ADGRL2: variants seen among roughly 807,000 people sequenced by gnomAD.
ADGRL2 encodes calcium-independent alpha-latrotoxin receptor 2.
A neutral mutation model predicts 157.4 loss-of-function variants in ADGRL2; 44 were observed. The observed-to-expected ratio is 0.28, with a 90% CI of 0.22 to 0.36. The LOEUF is 0.36. ADGRL2 is among the 10% of genes least tolerant of loss of function. The pLI is 1.00. For missense variants in ADGRL2, 1,510 were observed against 1,768.9 expected, an observed-to-expected ratio of 0.85 and a Z score of 2.63; for synonymous variants, 585 against 624.7, an observed-to-expected ratio of 0.94 and a Z score of 0.95.
chr1:81,491,156 C>T (rs1266976836), intron 2 of ADGRL2, among the ~76,000 whole-genome samples: 1 of 147,980 alleles, frequency 6.8e-6, no homozygotes, highest in South Asian at 2.1e-4. Context: ...CTACATGAAA[C>T]GTAGTGGACA....
At chr1:81,532,494 G>T (rs963950276) in intron 2 of ADGRL2, among the ~76,000 whole-genome samples, 1 of 151,478 alleles carries the variant, frequency 6.6e-6, no homozygotes, top group Non-Finnish European at 1.5e-5. Flanking sequence ...TATCTGAGCT[G>T]CAGAGATTAC....
intron 1 of ADGRL2, among the ~76,000 whole-genome samples, chr1:81,706,116 T>G (rs2083727116): frequency 6.6e-6 from 1 of 151,972 alleles, no homozygotes; most frequent in African/African-American, 2.4e-5. Context: ...GGAGAATCAC[T>G]TGAACCAGGG....
chr1:81,490,746 A>G (rs1053586288), intron 2 of ADGRL2, among the ~76,000 whole-genome samples: 8 of 152,202 alleles, frequency 5.3e-5, no homozygotes, highest in Non-Finnish European at 1.0e-4. Flanking sequence ...TCTTGGCAGT[A>G]TTTTCCAAAG....
In ADGRL2 at chr1:81,839,319, T is replaced by C. The variant is rs575975745; in HGVS notation, c.73+2262T>C. 1.2e-4 allele frequency among the ~76,000 whole-genome samples: 19 copies of C among 152,254 alleles called. No homozygotes were observed. The South Asian group carries it at 3.7e-3, about 30-fold the overall frequency. ...TATTGAGTGATTAAATTGAGCTGCA[T>C]GCTTAGGGTTCAAAAATACACAAGG... On this transcript the variant is annotated intron_variant, in intron 2 of 23. Coordinates refer to ENST00000686636, the MANE Select transcript of ADGRL2 (RefSeq NM_001366006.2).
At chr1:81,425,716 T>G (rs1383436575) in intron 1 of ADGRL2, among the ~76,000 whole-genome samples, 1 of 152,148 alleles carries the variant, frequency 6.6e-6, no homozygotes, top group African/African-American at 2.4e-5. Flanking sequence ...TTTTGTCAAT[T>G]GCTTCAAGAT....
At chr1:81,985,160 C>G (rs1409765) in intron 20 of ADGRL2, 99 bp from the exon 21 acceptor site, 131,128 of 586,162 alleles carry the variant, frequency 0.22, 18,043 homozygotes, top group East Asian at 0.58. Flanking sequence ...ACCAGATAAT[C>G]CTACATAGGT....
chr1:81,639,540 C>CAAAAAAAA (rs56281820), intron 3 of ADGRL2, among the ~76,000 whole-genome samples: 9 of 82,992 alleles, frequency 1.1e-4, no homozygotes, highest in Admixed American at 1.8e-4. Flanking sequence ...TCCATCTCTA[C>CAAAAAAAA]AAAAAAAAAA....
intron 1 of ADGRL2, among the ~76,000 whole-genome samples, chr1:81,415,470 A>G (rs2077016593): frequency 6.6e-6 from 1 of 152,222 alleles, no homozygotes; most frequent in African/African-American, 2.4e-5. Flanking sequence ...CCAGTTTAAT[A>G]ATAGTGGGGA....
At chr1:81,739,046 C>T (rs764022208) in intron 1 of ADGRL2, among the ~76,000 whole-genome samples, 1 of 152,148 alleles carries the variant, frequency 6.6e-6, no homozygotes, top group Non-Finnish European at 1.5e-5. Flanking sequence ...TCACAAAAAC[C>T]TTTTGTGCTG....
chr1:81,980,893 A>C lies in ADGRL2; in HGVS notation c.3114-915A>C, dbSNP rs1246217754. ...TATGGCATGATTTGTATTTTTTACA[A>C]ATTCGTCAGTATCATGAATTGCCCT... is the stretch of plus-strand genomic sequence containing the variant. On this transcript the variant is annotated intron_variant, in intron 18 of 23. Transcript: ENST00000686636. The C allele has an allele frequency of 9.5e-5, 59 of 622,020 alleles. No individual in the cohort carries two copies. The East Asian group carries it at 1.6e-3, about 17-fold the overall frequency. 38.5% of individuals were successfully genotyped at this position (622,020 alleles called of 1,614,324 possible). A position where few individuals can be genotyped will look rare whatever the true frequency, so the allele number is the denominator to read the frequency against.
chr1:81,371,205 T>C (rs1017347551), intron 1 of ADGRL2, among the ~76,000 whole-genome samples: 1 of 152,184 alleles, frequency 6.6e-6, no homozygotes, highest in Non-Finnish European at 1.5e-5. Flanking sequence ...TCACCCTTCT[T>C]ATGCCTGTTT....
intron 2 of ADGRL2, among the ~76,000 whole-genome samples, chr1:81,542,063 T>G (rs12566691): frequency 0.12 from 18,800 of 152,246 alleles, 1,176 homozygotes; most frequent in South Asian, 0.14. Context: ...GCTATAGTTT[T>G]GCTACTTAAA....
chr1:81,908,804 T>G (rs76167450), intron 3 of ADGRL2, among the ~76,000 whole-genome samples: 1 of 152,302 alleles, frequency 6.6e-6, no homozygotes, highest in Non-Finnish European at 1.5e-5. Flanking sequence ...AATTCCCTAA[T>G]GACATGAAAT....
chr1:81,955,661 A>G (rs1653277159), intron 10 of ADGRL2: 2 of 392,600 alleles, frequency 5.1e-6, no homozygotes, highest in Non-Finnish European at 9.1e-6. Flanking sequence ...TTTGTAATCA[A>G]ATAGCAGTCT....
chr1:81,592,181 C>A (rs897568448), intron 3 of ADGRL2, among the ~76,000 whole-genome samples: 1 of 152,128 alleles, frequency 6.6e-6, no homozygotes, highest in Non-Finnish European at 1.5e-5. Flanking sequence ...CTACTACATC[C>A]TCTTCTACCT....
intron 1 of ADGRL2, among the ~76,000 whole-genome samples, chr1:81,331,282 C>T (rs1661248116): frequency 6.6e-6 from 1 of 152,078 alleles, no homozygotes; most frequent in African/African-American, 2.4e-5. Context: ...AGAGGTTTCA[C>T]ATTTGCAAGT....
intron 3 of ADGRL2, among the ~76,000 whole-genome samples, chr1:81,636,881 A>C (rs1300284909): frequency 1.3e-5 from 2 of 152,132 alleles, no homozygotes; most frequent in African/African-American, 4.8e-5. Context: ...TGTCGCCCAG[A>C]TGGGAGTGCA....
intron 10 of ADGRL2, among the ~76,000 whole-genome samples, chr1:81,954,957 G>C (rs142875333): frequency 6.6e-5 from 10 of 152,274 alleles, no homozygotes; most frequent in African/African-American, 2.4e-4. Context: ...TTATGACTGG[G>C]TGAATGGAAT....
intron 3 of ADGRL2, among the ~76,000 whole-genome samples, chr1:81,663,319 C>T (rs1202917222): frequency 6.6e-6 from 1 of 152,078 alleles, no homozygotes; most frequent in Non-Finnish European, 1.5e-5. Context: ...CTGCATAAGA[C>T]AACCTTTGTT....
Sources: allele counts gnomAD v4.1 joint callset (sites outside exome capture counted in the v4.1 genomes callset), GRCh38; gene constraint gnomAD v4.1.1; transcripts MANE v1.5; gene names NCBI Gene and HGNC (gene_info 2026-07-23, HGNC 2026-07-21).